The following PCDH15 variants were observed in gnomAD, a reference collection of about 807,000 sequenced individuals.
PCDH15 encodes protocadherin related 15.
PCDH15 carries 129 observed loss-of-function variants against 178.5 expected under a neutral mutation model. The observed-to-expected ratio is 0.72, with a 90% CI of 0.63 to 0.84. The LOEUF is 0.84. Ranked by LOEUF, PCDH15 falls within the 40% of genes least tolerant of loss-of-function variation. PCDH15 has a pLI of 0.00. For missense variants in PCDH15, 2,230 were observed against 2,099.9 expected, an observed-to-expected ratio of 1.06 and a Z score of -1.21; for synonymous variants, 800 against 732.0, an observed-to-expected ratio of 1.09 and a Z score of -1.50.
chr10:53,872,882 C>G (rs997352195), intron 26 of PCDH15, among the ~76,000 whole-genome samples: 6 of 152,146 alleles, frequency 3.9e-5, no homozygotes, highest in Admixed American at 6.6e-5. Context: ...TATATCTGTA[C>G]TTACTTTGAC....
intron 2 of PCDH15, among the ~76,000 whole-genome samples, chr10:54,641,525 A>T (rs1381816160): frequency 6.6e-6 from 1 of 151,654 alleles, no homozygotes; most frequent in African/African-American, 2.4e-5. Context: ...TCCTCCCTTT[A>T]TTCCACTTCC....
At chr10:54,976,630 G>A (rs991825726) in intron 2 of PCDH15, among the ~76,000 whole-genome samples, 1 of 152,134 alleles carries the variant, frequency 6.6e-6, no homozygotes, top group Admixed American at 6.6e-5. Context: ...ACCAATCTTA[G>A]GTTCTACAAC....
intron 14 of PCDH15, among the ~76,000 whole-genome samples, chr10:54,148,007 T>C (rs1303008658): frequency 6.6e-6 from 1 of 151,964 alleles, no homozygotes; most frequent in Non-Finnish European, 1.5e-5. Context: ...TATGCAAAAG[T>C]CATGATGCTA....
intron 36 of PCDH15, 120 bp from the exon 37 acceptor site, chr10:53,810,784 C>T (rs1246642446): frequency 3.4e-5 from 30 of 888,506 alleles, no homozygotes; most frequent in Middle Eastern, 2.2e-4. Flanking sequence ...TACACAGCAC[C>T]TATCAGGCTC....
chr10:54,400,548 T>G (rs564106840), intron 3 of PCDH15, among the ~76,000 whole-genome samples: 1 of 152,200 alleles, frequency 6.6e-6, no homozygotes, highest in Admixed American at 6.6e-5. Context: ...AAATTAAATT[T>G]TGAGTCAATA....
chr10:54,405,315 G>A (rs768088037), intron 3 of PCDH15, among the ~76,000 whole-genome samples: 23 of 151,988 alleles, frequency 1.5e-4, no homozygotes, highest in Admixed American at 3.9e-4. Flanking sequence ...CTTGGAATGC[G>A]GTACATTCCA....
At chr10:55,535,860 T>C (rs1259353252) in intron 2 of PCDH15, among the ~76,000 whole-genome samples, 2 of 152,028 alleles carry the variant, frequency 1.3e-5, no homozygotes, top group South Asian at 2.1e-4. Context: ...AACTGTCATC[T>C]TTGAAAAAAG....
In PCDH15 at chr10:54,923,324, A is replaced by G; in HGVS notation, c.-79-25824T>C. ...CAGGCCTGTATTGGGTGGGACTGGCATGAAGTCTCTGAAACACCATTGAAA... is the reference window on the plus strand; with the variant it reads ...CAGGCCTGTATTGGGTGGGACTGGCGTGAAGTCTCTGAAACACCATTGAAA... On this transcript the variant is annotated intron_variant, in intron 2 of 5. Transcript: ENST00000458638. 1.4e-5 allele frequency among the ~76,000 whole-genome samples: 2 copies of G among 138,736 alleles called. 1 individual carries two copies. The highest frequency in any genetic ancestry group is 3.4e-5 in the Non-Finnish European group (2 of 59,546). 91.0% of individuals were successfully genotyped at this position (138,736 alleles called of 152,430 possible). A position where few individuals can be genotyped will look rare whatever the true frequency, so the allele number is the denominator to read the frequency against.
At chr10:54,974,621 C>T (rs1839020445) in intron 2 of PCDH15, among the ~76,000 whole-genome samples, 2 of 151,882 alleles carry the variant, frequency 1.3e-5, no homozygotes, top group Admixed American at 1.3e-4. Context: ...CCCTGGCCTT[C>T]TCTTCTTAAT....
intron 21 of PCDH15, among the ~76,000 whole-genome samples, chr10:53,978,374 G>C (rs935214122): frequency 1.3e-5 from 2 of 152,146 alleles, no homozygotes; most frequent in Admixed American, 6.6e-5. Context: ...TGCATCTTCT[G>C]AAGCGATGGC....
Position 53,866,809 on chromosome 10 carries a change from T to C in PCDH15, c.3550A>G (p.Ile1184Val). The C allele has an allele frequency of 4.3e-6, 7 of 1,613,436 alleles. No homozygotes were observed. Among genetic ancestry groups the C allele is most frequent in the Non-Finnish European group, 5.1e-6 (6 of 1,179,518 alleles). ...GNYSVMAYRL[I>V]IPPIKEGKEG... Reference sequence around the variant, plus strand: ...TTTCCCTCTTTAATTGGTGGTATTATGAGTCTGTAGGCCATGACACTATAA... The same window carrying C: ...TTTCCCTCTTTAATTGGTGGTATTACGAGTCTGTAGGCCATGACACTATAA... Residue 1184 changes from isoleucine to valine, a missense_variant, in exon 27 of 38, where the codon ATA (isoleucine) becomes GTA (valine). Coordinates refer to ENST00000644397, the MANE Select transcript of PCDH15 (RefSeq NM_001384140.1).
chr10:55,014,045 A>G (rs1243501203), intron 2 of PCDH15, among the ~76,000 whole-genome samples: 1 of 152,116 alleles, frequency 6.6e-6, no homozygotes, highest in Admixed American at 6.6e-5. Context: ...TTACTTTATA[A>G]TAAATAATTA....
chr10:54,077,528 T>C (rs752097267), intron 17 of PCDH15, among the ~76,000 whole-genome samples: 5 of 152,232 alleles, frequency 3.3e-5, no homozygotes, highest in Non-Finnish European at 7.3e-5. Flanking sequence ...CTATGTATTA[T>C]CCTTTCTTTT....
At chr10:55,584,428 C>G (rs969756745) in intron 2 of PCDH15, among the ~76,000 whole-genome samples, 1 of 151,368 alleles carries the variant, frequency 6.6e-6, no homozygotes, top group Non-Finnish European at 1.5e-5. Context: ...AGAGACCGAC[C>G]TGGGCAGATC....
intron 23 of PCDH15, among the ~76,000 whole-genome samples, chr10:53,957,885 A>G (rs2087791967): frequency 6.6e-6 from 1 of 152,178 alleles, no homozygotes; most frequent in South Asian, 2.1e-4. Context: ...ACCTTTTAAA[A>G]CAGATTAAAC....
upstream of PCDH15, among the ~76,000 whole-genome samples, chr10:54,805,550 T>C (rs200617417): frequency 5.3e-5 from 8 of 152,302 alleles, no homozygotes; most frequent in East Asian, 1.5e-3. Flanking sequence ...CACCCTTTTA[T>C]TGTCAGAATT....
intron 2 of PCDH15, among the ~76,000 whole-genome samples, chr10:55,585,709 T>C (rs1842713594): frequency 6.6e-6 from 1 of 152,096 alleles, no homozygotes; most frequent in African/African-American, 2.4e-5. Context: ...TATACATACA[T>C]ACATCTCAAG....
Position 55,164,108 on chromosome 10 carries a change from A to G in PCDH15, c.-80+2468T>C, listed in dbSNP as rs113643415. Among the ~76,000 whole-genome samples, 1,007 of 152,254 alleles carry G rather than the reference A, an allele frequency of 6.6e-3. 10 individuals carry two copies. Among genetic ancestry groups the G allele is most frequent in the Non-Finnish European group, 8.3e-3 (565 of 67,998 alleles). On this transcript the variant is annotated intron_variant, in intron 2 of 5. Transcript: ENST00000458638. ...GAGGCCACACGATGCAGTAGAGCCT[A>G]CTATGGCTGCGGAGTCAGACCCAAG...
intron 2 of PCDH15, among the ~76,000 whole-genome samples, chr10:54,989,571 C>T (rs1718743913): frequency 2.0e-5 from 3 of 152,126 alleles, no homozygotes; most frequent in Admixed American, 2.0e-4. Flanking sequence ...ATTTGACTCC[C>T]CTGCTGGATT....
Sources: allele counts gnomAD v4.1 joint callset (sites outside exome capture counted in the v4.1 genomes callset), GRCh38; gene constraint gnomAD v4.1.1; transcripts MANE v1.5; gene names NCBI Gene and HGNC (gene_info 2026-07-23, HGNC 2026-07-21).